DLGAP2: variants seen among roughly 807,000 people sequenced by gnomAD.
DLGAP2 encodes the protein disks large-associated protein 2.
In DLGAP2, 26 loss-of-function variants were observed where a neutral mutation model predicts 100.3. That is an observed-to-expected ratio of 0.26 (90% confidence interval 0.19 to 0.36). DLGAP2 has a LOEUF of 0.36. Ranked by LOEUF, DLGAP2 falls within the 10% of genes least tolerant of loss-of-function variation. The probability of loss-of-function intolerance (pLI) is 1.00; values close to 1 mark genes in which losing one functional copy is unlikely to be tolerated. For missense variants in DLGAP2, 1,858 were observed against 1,453.2 expected, an observed-to-expected ratio of 1.28 and a Z score of -4.53; for synonymous variants, 886 against 630.1, an observed-to-expected ratio of 1.41 and a Z score of -6.08.
At chr8:1,102,062 A>G (rs1368513487) in intron 2 of DLGAP2, among the ~76,000 whole-genome samples, 1 of 152,000 alleles carries the variant, frequency 6.6e-6, no homozygotes, top group Non-Finnish European at 1.5e-5. Context: ...AATTCAGGAA[A>G]TGTTCAGATA....
chr8:1,548,289 G>C (rs2404622), intron 4 of DLGAP2, among the ~76,000 whole-genome samples: 1 of 149,480 alleles, frequency 6.7e-6, no homozygotes. Flanking sequence ...GCGAAACCTC[G>C]TCTCTACTAA....
intron 2 of DLGAP2, among the ~76,000 whole-genome samples, chr8:1,211,692 A>G (rs1330381257): frequency 6.6e-6 from 1 of 152,166 alleles, no homozygotes; most frequent in Non-Finnish European, 1.5e-5. Flanking sequence ...CCTGACCAAC[A>G]TGGAGAAACC....
intron 3 of DLGAP2, among the ~76,000 whole-genome samples, chr8:1,464,691 C>T (rs1204745061): frequency 6.6e-6 from 1 of 152,340 alleles, no homozygotes; most frequent in East Asian, 1.9e-4. Flanking sequence ...GCTGGAGACA[C>T]GTCCCTCACC....
chr8:1,170,791 T>G (rs1797112775), intron 2 of DLGAP2, among the ~76,000 whole-genome samples: 1 of 148,954 alleles, frequency 6.7e-6, no homozygotes, highest in Non-Finnish European at 1.5e-5. Flanking sequence ...TTTATTAGTC[T>G]TGCTAGCGGT....
intron 3 of DLGAP2, among the ~76,000 whole-genome samples, chr8:1,467,920 C>T (rs1470049281): frequency 6.6e-6 from 1 of 152,214 alleles, no homozygotes; most frequent in Non-Finnish European, 1.5e-5. Flanking sequence ...TTTCACTAAA[C>T]ATAAATAAAT....
At chr8:1,120,929 A>G (rs1046944244) in intron 2 of DLGAP2, among the ~76,000 whole-genome samples, 1 of 147,948 alleles carries the variant, frequency 6.8e-6, no homozygotes, top group African/African-American at 2.5e-5. Context: ...GTTAGAACCC[A>G]TGACCTGCCA....
chr8:1,652,874 C>A (rs1051146039), intron 8 of DLGAP2, among the ~76,000 whole-genome samples: 9 of 152,138 alleles, frequency 5.9e-5, no homozygotes, highest in Non-Finnish European at 1.5e-5. Flanking sequence ...ATGTATCATC[C>A]CATCAGCGTT....
At position 1,065,000 on chromosome 8, in the gene DLGAP2, G is replaced by C. The variant is rs952359900; in HGVS notation, c.73+157034G>C. On this transcript the variant is annotated intron_variant, in intron 2 of 14. Transcript: ENST00000637795. ...TGCTGTGCATTCACAGTTTGTTGCT[G>C]TGTGAGTCTGGAGATACAGCCAGAC... Among the ~76,000 whole-genome samples, 3 of 152,212 alleles carry C rather than the reference G, an allele frequency of 2.0e-5. No individual in the cohort carries two copies. In the East Asian group the frequency reaches 5.8e-4, roughly 29 times the overall value.
intron 6 of DLGAP2, among the ~76,000 whole-genome samples, chr8:1,624,841 T>G (rs978597073): frequency 2.6e-5 from 3 of 117,514 alleles, no homozygotes; most frequent in Admixed American, 2.4e-4. Flanking sequence ...TTCCTCCCTT[T>G]GCTTTCTCTC....
chr8:1,027,901 G>C (rs1306617021), intron 2 of DLGAP2, among the ~76,000 whole-genome samples: 2 of 142,508 alleles, frequency 1.4e-5, no homozygotes, highest in African/African-American at 2.6e-5. Context: ...CCAGGCGCCC[G>C]TTATTCTCCA....
chr8:1,485,577 T>C (rs2130261818), intron 3 of DLGAP2, among the ~76,000 whole-genome samples: 1 of 152,364 alleles, frequency 6.6e-6, no homozygotes, highest in Admixed American at 6.5e-5. Context: ...ATGGCGACGC[T>C]GGTTTATCCC....
At chr8:842,315 C>T (rs1379296266) in intron 1 of DLGAP2, among the ~76,000 whole-genome samples, 4 of 152,164 alleles carry the variant, frequency 2.6e-5, no homozygotes, top group Non-Finnish European at 5.9e-5. Flanking sequence ...TACCTGAAGA[C>T]CAGGTTTGCT....
intron 2 of DLGAP2, among the ~76,000 whole-genome samples, chr8:1,253,435 C>T (rs533619897): frequency 3.2e-4 from 49 of 152,344 alleles, no homozygotes; most frequent in African/African-American, 8.9e-4. Flanking sequence ...AGCATGCGCT[C>T]GGCTTCACAG....
At chr8:1,231,911 G>A (rs564664898) in intron 2 of DLGAP2, among the ~76,000 whole-genome samples, 4 of 152,142 alleles carry the variant, frequency 2.6e-5, no homozygotes, top group East Asian at 3.9e-4. Flanking sequence ...TCCTACAATA[G>A]ACCCAGGTAA....
intron 3 of DLGAP2, among the ~76,000 whole-genome samples, chr8:1,387,513 G>A (rs553027595): frequency 1.1e-4 from 16 of 152,276 alleles, no homozygotes; most frequent in African/African-American, 3.6e-4. Context: ...AGGTTCTGGA[G>A]AAGGACGGTG....
At chr8:790,639 T>C (rs955976238) in intron 1 of DLGAP2, among the ~76,000 whole-genome samples, 37 of 152,244 alleles carry the variant, frequency 2.4e-4, no homozygotes, top group African/African-American at 8.4e-4. Context: ...ATATTTGGTC[T>C]ATGCTGACAA....
intron 1 of DLGAP2, among the ~76,000 whole-genome samples, chr8:819,011 C>G (rs1362775391): frequency 1.3e-5 from 2 of 152,108 alleles, no homozygotes; most frequent in Non-Finnish European, 1.5e-5. Context: ...TCTTTAAAAC[C>G]TTTTAGGAAA....
chr8:789,182 A>AAC (rs1295409726), intron 1 of DLGAP2, among the ~76,000 whole-genome samples: 1 of 152,086 alleles, frequency 6.6e-6, no homozygotes, highest in Non-Finnish European at 1.5e-5. Context: ...GTTCTTTCTC[A>AAC]CTCTGCTATA....
chr8:1,053,875 C>T (rs936546342), intron 2 of DLGAP2, among the ~76,000 whole-genome samples: 1 of 152,178 alleles, frequency 6.6e-6, no homozygotes, highest in Non-Finnish European at 1.5e-5. Flanking sequence ...GTAACCTTTT[C>T]TGCAGTGCTT....
Sources: gnomAD v4.1 joint callset for allele counts (sites outside exome capture counted in the v4.1 genomes callset) on GRCh38, gnomAD v4.1.1 for gene constraint, MANE v1.5 for transcripts, NCBI Gene and HGNC (gene_info 2026-07-23, HGNC 2026-07-21) for gene names.